GPR19: variants seen among roughly 807,000 people sequenced by gnomAD.
The protein encoded by GPR19 is G protein-coupled receptor 19.
A neutral mutation model predicts 28.5 loss-of-function variants in GPR19; 14 were observed. That is an observed-to-expected ratio of 0.49 (90% CI 0.32 to 0.77). GPR19 has a LOEUF of 0.77. GPR19 is among the 30% of genes least tolerant of loss of function. GPR19 has a pLI of 0.03. For missense variants in GPR19, 409 were observed against 504.1 expected (o/e 0.81, Z 1.81); for synonymous variants, 173 against 184.1 (o/e 0.94, Z 0.49).
chr12:12,705,223 A>T, the GPR19 span, among the ~76,000 whole-genome samples: 1 of 150,154 alleles, frequency 6.7e-6, no homozygotes, highest in Non-Finnish European at 1.5e-5. Context: ...AGGTTGAGGC[A>T]GGAGAATCAC....
chr12:12,716,917 G>A, the GPR19 span: 1 of 984,804 alleles, frequency 1.0e-6, no homozygotes, highest in South Asian at 4.7e-5. Context: ...GGGGAGGGCC[G>A]AGCTGGGGGC....
chr12:12,695,538 G>C (rs754720495), intron 1 of GPR19, 27 bp from the exon 2 acceptor site: 1 of 152,182 alleles, frequency 6.6e-6, no homozygotes, highest in Non-Finnish European at 1.5e-5. Flanking sequence ...GGTCAGATTG[G>C]TCAGATCCCT....
the GPR19 span, among the ~76,000 whole-genome samples, chr12:12,716,157 G>GA: frequency 6.6e-6 from 1 of 152,206 alleles, no homozygotes; most frequent in Non-Finnish European, 1.5e-5. Flanking sequence ...CCCACACTGA[G>GA]AGAGAAATTT....
At chr12:12,681,401 A>G (rs1946019326) in intron 3 of GPR19, among the ~76,000 whole-genome samples, 2 of 152,206 alleles carry the variant, frequency 1.3e-5, no homozygotes, top group Non-Finnish European at 2.9e-5. Flanking sequence ...CTCTAGGTTG[A>G]AATCATACTT....
upstream of GPR19, chr12:12,696,339 CTTTT>C (rs578240364): frequency 3.3e-3 from 295 of 88,380 alleles, no homozygotes; most frequent in Admixed American, 7.9e-3. Context: ...CCCACCCGCC[CTTTT>C]TTTTTTTTTT....
At chr12:12,715,770 T>C in the GPR19 span, 1 of 152,218 alleles carries the variant, frequency 6.6e-6, no homozygotes, top group Non-Finnish European at 1.5e-5. Context: ...TGCATGTCCC[T>C]GGACAGGAAA....
At chr12:12,667,555 G>A (rs998470990) in intron 3 of GPR19, among the ~76,000 whole-genome samples, 3 of 152,208 alleles carry the variant, frequency 2.0e-5, no homozygotes, top group Admixed American at 2.0e-4. Context: ...GCCAGGCGTG[G>A]TGGCATGTGC....
chr12:12,716,018 T>C, the GPR19 span: 2 of 152,208 alleles, frequency 1.3e-5, no homozygotes, highest in African/African-American at 4.8e-5. Context: ...TAAAATGCAT[T>C]AACTTTGGCT....
intron 3 of GPR19, among the ~76,000 whole-genome samples, chr12:12,665,694 G>C (rs1208026310): frequency 1.3e-5 from 2 of 151,538 alleles, no homozygotes; most frequent in Non-Finnish European, 2.9e-5. Context: ...AAAATTAGCC[G>C]GGCATGGTGG....
the GPR19 span, chr12:12,715,796 A>G: frequency 6.6e-6 from 1 of 152,178 alleles, no homozygotes; most frequent in East Asian, 1.9e-4. Context: ...CTGAGTCTCG[A>G]TTTCCTCCGT....
At chr12:12,696,307 A>G (rs17758597), upstream of GPR19, 10,680 of 142,012 alleles carry the variant, frequency 0.075, 517 homozygotes, top group South Asian at 0.13. Flanking sequence ...GCTAGTATGA[A>G]GGTTTTCCGT....
upstream of GPR19, among the ~76,000 whole-genome samples, chr12:12,699,658 CGA>C (rs1333187681): frequency 1.3e-5 from 2 of 152,050 alleles, no homozygotes; most frequent in Admixed American, 1.3e-4. Context: ...ATCTTCAGCA[CGA>C]GAGGGGAAAA....
At chr12:12,704,127 A>C in the GPR19 span, among the ~76,000 whole-genome samples, 1 of 152,340 alleles carries the variant, frequency 6.6e-6, no homozygotes, top group East Asian at 1.9e-4. Context: ...GTGACTATAG[A>C]GAAGTCACCT....
chr12:12,701,022 G>T (rs924430193), upstream of GPR19, among the ~76,000 whole-genome samples: 3 of 152,136 alleles, frequency 2.0e-5, no homozygotes, highest in Non-Finnish European at 4.4e-5. Context: ...GCCCTTGAGG[G>T]TATTAATTCC....
At chr12:12,675,357 C>G (rs2136325796) in intron 3 of GPR19, among the ~76,000 whole-genome samples, 1 of 152,192 alleles carries the variant, frequency 6.6e-6, no homozygotes, top group African/African-American at 2.4e-5. Flanking sequence ...ATTGATGTTC[C>G]CATCAGCCTG....
chr12:12,679,700 C>A (rs1448034150), intron 3 of GPR19, among the ~76,000 whole-genome samples: 1 of 151,642 alleles, frequency 6.6e-6, no homozygotes, highest in Non-Finnish European at 1.5e-5. Context: ...AAGGACATTC[C>A]CCGACCCCCA....
intron 3 of GPR19, among the ~76,000 whole-genome samples, chr12:12,666,144 G>A (rs1945775307): frequency 1.3e-5 from 2 of 152,012 alleles, no homozygotes; most frequent in Admixed American, 1.3e-4. Flanking sequence ...GATCTTTTTT[G>A]GGGCCCTTTT....
intron 3 of GPR19, among the ~76,000 whole-genome samples, chr12:12,665,697 C>A (rs957758189): frequency 1.3e-5 from 2 of 151,402 alleles, no homozygotes; most frequent in African/African-American, 4.9e-5. Flanking sequence ...ATTAGCCGGG[C>A]ATGGTGGTGG....
intron 2 of GPR19, among the ~76,000 whole-genome samples, chr12:12,686,234 G>A (rs1946096143): frequency 6.6e-6 from 1 of 152,210 alleles, no homozygotes; most frequent in African/African-American, 2.4e-5. Context: ...GCACAAGGAA[G>A]CTGGAGTATA....
Sources: allele counts gnomAD v4.1 joint callset (sites outside exome capture counted in the v4.1 genomes callset), GRCh38; gene constraint gnomAD v4.1.1; transcripts MANE v1.5; gene names NCBI Gene and HGNC (gene_info 2026-07-23, HGNC 2026-07-21).